The following PICK1 variants were observed in gnomAD, a reference collection of about 807,000 sequenced individuals.
PICK1 encodes the protein protein interacting with PRKCA 1.
A neutral mutation model predicts 48.9 loss-of-function variants in PICK1; 23 were observed. The ratio of observed to expected loss-of-function variants is 0.47; its 90% CI spans 0.34 to 0.67. PICK1 has a LOEUF of 0.67. PICK1 is among the 30% of genes least tolerant of loss of function. PICK1 has a pLI of 0.01. For synonymous variants in PICK1, 217 were observed against 228.2 expected (o/e 0.95, Z 0.44); for missense variants, 423 against 557.1 (o/e 0.76, Z 2.42).
chr22:38,068,417 C>T (rs1353903910), intron 5 of PICK1, among the ~76,000 whole-genome samples: 1 of 152,204 alleles, frequency 6.6e-6, no homozygotes, highest in Non-Finnish European at 1.5e-5. Flanking sequence ...GGTGAGCGCA[C>T]ACCTAGGTCT....
intron 3 of PICK1, among the ~76,000 whole-genome samples, chr22:38,061,864 C>T (rs1379734785): frequency 1.3e-5 from 2 of 152,194 alleles, no homozygotes; most frequent in Non-Finnish European, 2.9e-5. Context: ...TATCTATTGA[C>T]TTTGCCTCGT....
chr22:38,057,679 G>T, intron 1 of PICK1, 74 bp from the exon 2 acceptor site: 1 of 754,670 alleles, frequency 1.3e-6, no homozygotes, highest in Non-Finnish European at 2.4e-6. Flanking sequence ...ATGAGGTGGT[G>T]GAGGGAGGGG....
intron 9 of PICK1, 92 bp downstream of exon 9, chr22:38,072,702 G>T: frequency 6.5e-7 from 1 of 1,533,918 alleles, no homozygotes; most frequent in East Asian, 2.2e-5. Flanking sequence ...GGAGTCCTGT[G>T]CCTGGGTACA....
In PICK1 at chr22:38,073,007, C is replaced by T. The variant is rs1361263875; in HGVS notation, c.698C>T (p.Thr233Met). 1.2e-5 allele frequency: 20 copies of T among 1,610,906 alleles called. No homozygotes were observed. The highest frequency in any genetic ancestry group is 3.3e-4 in the Middle Eastern group (2 of 6,058). The change falls in exon 10 of 13, where the codon ACG becomes ATG. Residue 233 changes from threonine to methionine, a missense_variant. By Grantham distance (81) the Thr-to-Met change is moderately conservative. Coordinates refer to ENST00000356976, the MANE Select transcript of PICK1 (RefSeq NM_012407.4). This position sits in a 1 kb window ranked among gnomAD's most constrained non-coding sequence, Gnocchi z 5.7. ...CCACCCACCCTCTTCCAGATGCTGA[C>T]GGATCTGAACACGTACCTCAACAAA... ...RLLKTIKPML[T>M]DLNTYLNKAI... is the part of the protein sequence containing the mutation.
In PICK1 at chr22:38,072,624, AGC is replaced by A; in HGVS notation, c.690+15_690+16del. On this transcript the variant is annotated intron_variant, in intron 9 of 12. Transcript: ENST00000356976. ...ACCATCAAGCCGGTAGGTCCTATTG[AGC>A]ATGTGTGTGTCTGGCGTGTGAGGGT... 1 of 1,612,560 alleles carries A rather than the reference AGC, an allele frequency of 6.2e-7. No individual in the cohort carries two copies. The highest frequency in any genetic ancestry group is 8.5e-7 in the Non-Finnish European group (1 of 1,179,980).
At chr22:38,059,391 G>T in intron 3 of PICK1, 46 bp downstream of exon 3, 4 of 1,273,918 alleles carry the variant, frequency 3.1e-6, no homozygotes, top group Non-Finnish European at 4.5e-6. Context: ...CCCTACTTGG[G>T]CATGACAAAG....
At chr22:38,068,561 G>A (rs2085591013) in intron 5 of PICK1, among the ~76,000 whole-genome samples, 1 of 152,140 alleles carries the variant, frequency 6.6e-6, no homozygotes, top group African/African-American at 2.4e-5. Context: ...CCCTTCCTAG[G>A]ACTAAGCTGG....
rs2085527393 is a variant in PICK1 at position 38,066,462 on chromosome 22, A to G, written c.283-1242A>G. On this transcript the variant is annotated intron_variant, in intron 4 of 12. Coordinates refer to ENST00000356976, the MANE Select transcript of PICK1 (RefSeq NM_012407.4). The surrounding 1 kb of genome is among the most constrained non-coding windows in gnomAD (Gnocchi z 4.1). ...CTCTTTGTATTTGCACACAGCCATG[A>G]CAGGGATGCAGCATTGGCCCAGCTC... 6.6e-6 allele frequency among the ~76,000 whole-genome samples: 1 copy of G among 152,212 alleles called. No homozygotes were observed. The highest frequency in any genetic ancestry group is 6.5e-5 in the Admixed American group (1 of 15,282).
chr22:38,061,089 C>A (rs1280008885), intron 3 of PICK1, among the ~76,000 whole-genome samples: 1 of 151,960 alleles, frequency 6.6e-6, no homozygotes, highest in Non-Finnish European at 1.5e-5. Context: ...CACCTGTAAT[C>A]CCAGCACTTT....
intron 3 of PICK1, among the ~76,000 whole-genome samples, chr22:38,060,849 A>G (rs978934372): frequency 6.6e-6 from 1 of 151,554 alleles, no homozygotes; most frequent in Non-Finnish European, 1.5e-5. Flanking sequence ...CCTGGATTCA[A>G]ACGATTCTCA....
chr22:38,074,274 T>G lies in PICK1; in HGVS notation c.835-33T>G. On this transcript the variant is annotated intron_variant, in intron 11 of 12. Coordinates refer to ENST00000356976, the MANE Select transcript of PICK1 (RefSeq NM_012407.4). This position sits in a 1 kb window ranked among gnomAD's most constrained non-coding sequence, Gnocchi z 4.5. ...GCACAGTGCGGTGCGAGGCCGTCCC[T>G]GAGCAGGCACTCCTGTCCCACCCCC... 6.2e-7 allele frequency: 1 copy of G among 1,611,664 alleles called. No homozygotes were observed. Among genetic ancestry groups the G allele is most frequent in the Non-Finnish European group, 8.5e-7 (1 of 1,179,238 alleles).
In PICK1 at chr22:38,057,772, G is replaced by C; in HGVS notation, c.-38G>C. 1 of 1,594,768 alleles carries C rather than the reference G, an allele frequency of 6.3e-7. No individual in the cohort carries two copies. Among genetic ancestry groups the C allele is most frequent in the Non-Finnish European group, 8.6e-7 (1 of 1,162,374 alleles). ...ATCCAGTTCCCCATTCCCCTACCGA[G>C]CTGGGCAGTTAGCCAGCCCACTCCA... On this transcript the variant is annotated 5_prime_UTR_variant, in exon 2 of 13. Transcript: ENST00000356976.
At chr22:38,060,699 C>G (rs566703497) in intron 3 of PICK1, among the ~76,000 whole-genome samples, 8 of 152,052 alleles carry the variant, frequency 5.3e-5, no homozygotes, top group Non-Finnish European at 1.2e-4. Context: ...CTCTACCTAC[C>G]TCAGGTGCAA....
rs1206145375 is a variant in PICK1, at chr22:38,058,282, T to C, written c.41+432T>C. 9 of 240,812 alleles carry C rather than the reference T, an allele frequency of 3.7e-5. No individual in the cohort carries two copies. In the East Asian group the frequency reaches 7.6e-4, roughly 20 times the overall value. 14.9% of individuals were successfully genotyped at this position (240,812 alleles called of 1,614,324 possible). ...CAGATCAAGGAGTGGGTGCAATGCC[T>C]TTCTCTATGCTCAGCACTTAGTAAG... On this transcript the variant is annotated intron_variant, in intron 2 of 12. Coordinates refer to ENST00000356976, the MANE Select transcript of PICK1 (RefSeq NM_012407.4).
At position 38,065,031 on chromosome 22, in the gene PICK1, C is replaced by T. The variant is rs117707976; in HGVS notation, c.183C>T (p.Asp61=). 153 of 1,614,078 alleles carry T rather than the reference C, an allele frequency of 9.5e-5. No individual in the cohort carries two copies. Among genetic ancestry groups the T allele is most frequent in the East Asian group, 8.0e-4 (36 of 44,882 alleles). The change falls in exon 4 of 13, where the codon GAC becomes GAT. Residue 61 remains aspartate, a synonymous_variant. Coordinates refer to ENST00000356976, the MANE Select transcript of PICK1 (RefSeq NM_012407.4). The part of the protein sequence containing the change: ...QVFDNTPAAL[D]GTVAAGDEIT... ...TTGACAACACCCCAGCAGCCTTGGACGGCACAGTGGCAGCTGGCGATGAGA... is the reference window on the plus strand; with the variant it reads ...TTGACAACACCCCAGCAGCCTTGGATGGCACAGTGGCAGCTGGCGATGAGA...
intron 3 of PICK1, among the ~76,000 whole-genome samples, chr22:38,062,530 G>A (rs2085428658): frequency 6.6e-6 from 1 of 152,178 alleles, no homozygotes; most frequent in African/African-American, 2.4e-5. Flanking sequence ...TTACAGGCGT[G>A]AGCCACCATG....
chr22:38,069,154 G>A (rs1325862535), intron 6 of PICK1, 32 bp downstream of exon 6: 2 of 1,516,244 alleles, frequency 1.3e-6, no homozygotes, highest in African/African-American at 1.4e-5. Flanking sequence ...TGGGGCCCCG[G>A]GGACTCAAGC....
chr22:38,064,335 G>C (rs1180229607), intron 3 of PICK1, among the ~76,000 whole-genome samples: 1 of 152,154 alleles, frequency 6.6e-6, no homozygotes. Flanking sequence ...TGGAATTACA[G>C]GTGTGAGCCA....
chr22:38,071,669 G>A lies in PICK1; in HGVS notation c.494-13G>A. The stretch of plus-strand genomic sequence containing the variant: ...ATGCGTCCCCATTCCGCATCACTCG[G>A]TCTCTCCCACAGGGATGACGGAACA... On this transcript the variant is annotated splice_polypyrimidine_tract_variant and intron_variant, in intron 7 of 12. Coordinates refer to ENST00000356976, the MANE Select transcript of PICK1 (RefSeq NM_012407.4). 1 of 1,612,666 alleles carries A rather than the reference G, an allele frequency of 6.2e-7. No individual in the cohort carries two copies. Among genetic ancestry groups the A allele is most frequent in the Non-Finnish European group, 8.5e-7 (1 of 1,179,224 alleles).
Sources: allele counts gnomAD v4.1 joint callset (sites outside exome capture counted in the v4.1 genomes callset), GRCh38; gene constraint gnomAD v4.1.1; non-coding constraint Gnocchi (gnomAD v3.1); transcripts MANE v1.5; gene names NCBI Gene and HGNC (gene_info 2026-07-23, HGNC 2026-07-21).